OPA3: variants seen among roughly 807,000 people sequenced by gnomAD.
OPA3 encodes the protein optic atrophy 3 protein.
In OPA3, 6 loss-of-function variants were observed where a neutral mutation model predicts 4.0. That is an observed-to-expected ratio of 1.51 (90% confidence interval 0.83 to 2.99). OPA3 has a LOEUF of 2.99. Among genes scored for constraint, OPA3 ranks in the 30% most tolerant of loss-of-function variants. The probability of loss-of-function intolerance (pLI) is 0.00; values close to 1 mark genes in which losing one functional copy is unlikely to be tolerated. For synonymous variants in OPA3, 105 were observed against 117.1 expected, an observed-to-expected ratio of 0.90 and a Z score of 0.67; for missense variants, 235 against 256.2, an observed-to-expected ratio of 0.92 and a Z score of 0.56.
exon 2 of OPA3, chr19:45,528,344 T>C (rs2122364866): frequency 6.6e-6 from 1 of 152,548 alleles, no homozygotes; most frequent in Admixed American, 6.5e-5. Flanking sequence ...GGGTGCGCCA[T>C]AGGTGGAAGA....
chr19:45,554,872 C>A (rs1969397273), intron 1 of OPA3, among the ~76,000 whole-genome samples: 1 of 152,168 alleles, frequency 6.6e-6, no homozygotes, highest in African/African-American at 2.4e-5. Flanking sequence ...CTCACTGCAA[C>A]CTCCTCCTCC....
Position 45,553,451 on chromosome 19 carries a change from CG to C in OPA3, c.*62del. ...TGGGCCAGCGCAGGCAAGGGTGGTG[CG>C]GGAAGAAGGCCACGTTAGGTACATA... On this transcript the variant is annotated 3_prime_UTR_variant, in exon 2 of 2. Coordinates refer to ENST00000263275, the MANE Select transcript of OPA3 (RefSeq NM_025136.4). The C allele has an allele frequency of 6.2e-7, 1 of 1,605,576 alleles. No individual in the cohort carries two copies.
chr19:45,556,032 C>T (rs1368608779), intron 1 of OPA3, among the ~76,000 whole-genome samples: 3 of 152,190 alleles, frequency 2.0e-5, no homozygotes, highest in Admixed American at 6.5e-5. Flanking sequence ...GCTGTTTGAA[C>T]ATGTCAGTAT....
chr19:45,578,988 T>C (rs992202634), intron 1 of OPA3, among the ~76,000 whole-genome samples: 4 of 152,134 alleles, frequency 2.6e-5, no homozygotes, highest in African/African-American at 7.2e-5. Context: ...CAGTTTCCTC[T>C]GTCCTGTGTG....
intron 1 of OPA3, among the ~76,000 whole-genome samples, chr19:45,531,353 T>C (rs1969059691): frequency 6.6e-6 from 1 of 152,184 alleles, no homozygotes; most frequent in Non-Finnish European, 1.5e-5. Context: ...TGTATGAAGG[T>C]TTTAGTTTTT....
intron 1 of OPA3, among the ~76,000 whole-genome samples, chr19:45,580,421 G>A (rs1480050299): frequency 6.6e-6 from 1 of 150,572 alleles, no homozygotes; most frequent in East Asian, 2.0e-4. Context: ...AGCCTCCCGA[G>A]TAGCTGGGAT....
Position 45,557,613 on chromosome 19 carries a change from G to A in OPA3, c.143-3702C>T, listed in dbSNP as rs541252399. Among the ~76,000 whole-genome samples, 43 of 152,258 alleles carry A rather than the reference G, an allele frequency of 2.8e-4. No individual in the cohort carries two copies. The South Asian group carries it at 6.8e-3, about 24-fold the overall frequency. On this transcript the variant is annotated intron_variant, in intron 1 of 1. Transcript: ENST00000263275. ...CCTTCTCCCACAGCCTCTCAGCTGC[G>A]TGTCGGGTCCATTCTGCATCTTGAA... is the stretch of plus-strand genomic sequence containing the variant.
chr19:45,554,656 CAATT>C (rs1408762496), intron 1 of OPA3, among the ~76,000 whole-genome samples: 1 of 152,236 alleles, frequency 6.6e-6, no homozygotes, highest in Non-Finnish European at 1.5e-5. Flanking sequence ...ACTCCTGCAA[CAATT>C]AATATTCATC....
intron 1 of OPA3, among the ~76,000 whole-genome samples, chr19:45,533,963 T>C (rs574263223): frequency 6.6e-6 from 1 of 152,358 alleles, no homozygotes; most frequent in East Asian, 1.9e-4. Context: ...TGCACACACA[T>C]GCACATGCAC....
At chr19:45,565,605 G>A (rs977762295) in intron 1 of OPA3, among the ~76,000 whole-genome samples, 25 of 152,146 alleles carry the variant, frequency 1.6e-4, no homozygotes, top group Admixed American at 2.6e-4. Context: ...ACTCCAACCC[G>A]GGCGACAGAG....
At chr19:45,556,621 G>A (rs10404913) in intron 1 of OPA3, among the ~76,000 whole-genome samples, 1 of 152,166 alleles carries the variant, frequency 6.6e-6, no homozygotes, top group East Asian at 1.9e-4. Context: ...GCCTCCCAAA[G>A]TACTGGGACG....
chr19:45,567,339 CAAAAAAAAAAA>C (rs749982867), intron 1 of OPA3, among the ~76,000 whole-genome samples: 1 of 60,584 alleles, frequency 1.7e-5, no homozygotes, highest in African/African-American at 4.9e-5. Flanking sequence ...GACCCTGTGT[CAAAAAAAAAAA>C]AAAAAAAAGA....
intron 1 of OPA3, among the ~76,000 whole-genome samples, chr19:45,566,709 T>C (rs990626483): frequency 2.6e-5 from 4 of 151,666 alleles, no homozygotes; most frequent in East Asian, 2.0e-4. Flanking sequence ...CTCCTGACCT[T>C]GTGATCCGCC....
chr19:45,534,996 A>G (rs569391385), intron 1 of OPA3, among the ~76,000 whole-genome samples: 207 of 152,306 alleles, frequency 1.4e-3, no homozygotes, highest in Non-Finnish European at 2.4e-3. Flanking sequence ...GTTACTCATT[A>G]CAGAGTTCCC....
Position 45,546,499 on chromosome 19 carries a change from CTTTTT to C in OPA3, c.*7010_*7014del. ...CACACGATGGATTACATAAACTCTG[CTTTTT>C]TTTTTTTTTGAGACAGGGTCTCACT... On this transcript the variant is annotated 3_prime_UTR_variant, in exon 2 of 2. Transcript: ENST00000263275. 2.1e-6 allele frequency: 1 copy of C among 475,162 alleles called. No individual in the cohort carries two copies. The highest frequency in any genetic ancestry group is 2.7e-6 in the Non-Finnish European group (1 of 370,638). The allele number at this position is 475,162 out of a possible 1,614,324, so 29.4% of individuals were successfully genotyped here.
intron 1 of OPA3, among the ~76,000 whole-genome samples, chr19:45,534,003 G>C (rs191626860): frequency 2.7e-4 from 41 of 152,330 alleles, no homozygotes; most frequent in Admixed American, 7.2e-4. Flanking sequence ...TTTTGGCATA[G>C]AATTGGGATT....
intron 1 of OPA3, among the ~76,000 whole-genome samples, chr19:45,576,186 G>A (rs949986431): frequency 2.6e-5 from 4 of 151,932 alleles, no homozygotes; most frequent in Non-Finnish European, 4.4e-5. Context: ...TCATGCCACT[G>A]TAATCCAGCC....
intron 1 of OPA3, among the ~76,000 whole-genome samples, chr19:45,537,338 A>G (rs574178936): frequency 1.5e-5 from 2 of 134,788 alleles, no homozygotes; most frequent in Non-Finnish European, 3.1e-5. Context: ...TGAAGGCTGT[A>G]ATGAGTTGTG....
intron 1 of OPA3, among the ~76,000 whole-genome samples, chr19:45,570,541 G>T (rs1173408975): frequency 6.6e-6 from 1 of 152,094 alleles, no homozygotes; most frequent in African/African-American, 2.4e-5. Flanking sequence ...AAAAAAATTA[G>T]CTGGGCATAA....
Sources: gnomAD v4.1 joint callset for allele counts (sites outside exome capture counted in the v4.1 genomes callset) on GRCh38, gnomAD v4.1.1 for gene constraint, MANE v1.5 for transcripts, NCBI Gene and HGNC (gene_info 2026-07-23, HGNC 2026-07-21) for gene names.